The following TEKT5 variants were observed in gnomAD, a reference collection of about 807,000 sequenced individuals.
TEKT5 encodes the protein tektin-5.
TEKT5 carries 52 observed loss-of-function variants against 48.7 expected under a neutral mutation model. That is an observed-to-expected ratio of 1.07 (90% CI 0.86 to 1.35). The LOEUF is 1.35. Ranked by LOEUF, TEKT5 falls within the 40% of genes most tolerant of loss-of-function variation. TEKT5 has a pLI of 0.00. For synonymous variants in TEKT5, 318 were observed against 267.6 expected, an observed-to-expected ratio of 1.19 and a Z score of -1.84; for missense variants, 831 against 641.6, an observed-to-expected ratio of 1.30 and a Z score of -3.19.
At chr16:10,659,961 C>A (rs1244867863) in intron 5 of TEKT5, among the ~76,000 whole-genome samples, 1 of 152,090 alleles carries the variant, frequency 6.6e-6, no homozygotes, top group African/African-American at 2.4e-5. Context: ...GCGAATTTCA[C>A]CTTAATAAAG....
At chr16:10,650,475 C>A (rs1160653471) in intron 5 of TEKT5, among the ~76,000 whole-genome samples, 1 of 152,138 alleles carries the variant, frequency 6.6e-6, no homozygotes. Context: ...CGATGACTCA[C>A]ACCCAAGGCA....
At chr16:10,679,253 G>T (rs972911812) in intron 4 of TEKT5, among the ~76,000 whole-genome samples, 1 of 151,978 alleles carries the variant, frequency 6.6e-6, no homozygotes, top group Admixed American at 6.6e-5. Context: ...CCAGGTAAAA[G>T]GTGTCTCTCC....
chr16:10,643,503 T>C (rs1483810538), intron 5 of TEKT5, among the ~76,000 whole-genome samples: 1 of 152,246 alleles, frequency 6.6e-6, no homozygotes, highest in Admixed American at 6.5e-5. Flanking sequence ...ATTCATGCTA[T>C]AGCCTGTGCT....
chr16:10,632,452 T>A (rs1040093770), intron 6 of TEKT5, among the ~76,000 whole-genome samples: 21 of 152,044 alleles, frequency 1.4e-4, no homozygotes, highest in African/African-American at 5.1e-4. Context: ...CATGCCACCA[T>A]GCCTGGCTAA....
intron 5 of TEKT5, among the ~76,000 whole-genome samples, chr16:10,656,693 G>C (rs1898268008): frequency 2.0e-5 from 3 of 152,176 alleles, no homozygotes; most frequent in East Asian, 1.9e-4. Context: ...AAACATTTAG[G>C]TTATACTGAT....
At chr16:10,690,651 T>G (rs1373699490) in intron 1 of TEKT5, 33 of 985,284 alleles carry the variant, frequency 3.3e-5, no homozygotes, top group Non-Finnish European at 3.9e-5. Flanking sequence ...AGGGACAGTT[T>G]GGGGAAGTGG....
At chr16:10,644,215 C>T (rs1898036766) in intron 5 of TEKT5, among the ~76,000 whole-genome samples, 1 of 152,170 alleles carries the variant, frequency 6.6e-6, no homozygotes, top group East Asian at 1.9e-4. Context: ...TCTTTTACGT[C>T]ATTTGATACC....
chr16:10,683,906 A>C (rs1413737623), intron 3 of TEKT5, among the ~76,000 whole-genome samples: 2 of 152,240 alleles, frequency 1.3e-5, no homozygotes, highest in Non-Finnish European at 2.9e-5. Flanking sequence ...AATCACTTTA[A>C]AAATGTAAAT....
intron 5 of TEKT5, among the ~76,000 whole-genome samples, chr16:10,639,641 A>C (rs1294496560): frequency 2.0e-5 from 3 of 152,186 alleles, no homozygotes; most frequent in African/African-American, 7.2e-5. Flanking sequence ...CTCACAGTCT[A>C]TTTTTCAAAT....
chr16:10,639,637 G>C (rs75163251), intron 5 of TEKT5, among the ~76,000 whole-genome samples: 3,429 of 152,296 alleles, frequency 0.023, 131 homozygotes, highest in African/African-American at 0.079. Context: ...AGTGCTCACA[G>C]TCTATTTTTC....
chr16:10,669,695 A>C (rs1898522113), intron 5 of TEKT5, among the ~76,000 whole-genome samples: 1 of 150,224 alleles, frequency 6.7e-6, no homozygotes. Context: ...CACACATCCT[A>C]CCCCCAAAAA....
chr16:10,636,814 T>G (rs1251140293), intron 5 of TEKT5, among the ~76,000 whole-genome samples: 2 of 150,586 alleles, frequency 1.3e-5, no homozygotes, highest in Non-Finnish European at 3.0e-5. Flanking sequence ...TATTTTCCAT[T>G]ATTATTATTA....
intron 5 of TEKT5, among the ~76,000 whole-genome samples, chr16:10,648,038 G>A (rs1356156807): frequency 2.0e-5 from 3 of 152,178 alleles, no homozygotes; most frequent in Non-Finnish European, 4.4e-5. Flanking sequence ...CAGCATCACA[G>A]AACTCAAGTC....
At chr16:10,646,769 A>G (rs1898077019) in intron 5 of TEKT5, among the ~76,000 whole-genome samples, 2 of 152,194 alleles carry the variant, frequency 1.3e-5, no homozygotes, top group African/African-American at 4.8e-5. Context: ...CCTCCTCCAG[A>G]GCCCACCTAG....
At position 10,635,798 on chromosome 16, in the gene TEKT5, T is replaced by G; in HGVS notation, c.1207A>C (p.Asn403His). 1 of 1,614,186 alleles carries G rather than the reference T, an allele frequency of 6.2e-7. No homozygotes were observed. The highest frequency in any genetic ancestry group is 8.5e-7 in the Non-Finnish European group (1 of 1,180,026). ...GGGATGTCCCTGCACAGCTCCATGTTGGGGCGCCGGGTCCGGCACTCCAGC... is the reference window on the plus strand; with the variant it reads ...GGGATGTCCCTGCACAGCTCCATGTGGGGGCGCCGGGTCCGGCACTCCAGC... ...TRLECRTRRPNMELCRDIPQL... is the reference protein window; with the variant it reads ...TRLECRTRRPHMELCRDIPQL... Residue 403 changes from asparagine (N) to histidine (H), a missense_variant, in exon 6 of 7, where the codon AAC becomes CAC. Transcript: ENST00000283025.
At chr16:10,689,425 C>A in intron 2 of TEKT5, 102 bp from the exon 3 acceptor site, 1 of 1,009,290 alleles carries the variant, frequency 9.9e-7, no homozygotes. Flanking sequence ...CACTGACCAC[C>A]CTCGACCCCA....
At chr16:10,689,921 C>A (rs751389604) in intron 2 of TEKT5, 21 bp downstream of exon 2, 2 of 1,613,464 alleles carry the variant, frequency 1.2e-6, no homozygotes, top group African/African-American at 2.7e-5. Flanking sequence ...GGGGGCTGGG[C>A]AGAACCAGGA....
chr16:10,627,551 C>T lies in TEKT5; in HGVS notation c.*32G>A, dbSNP rs377724001. 116 of 1,607,366 alleles carry T rather than the reference C, an allele frequency of 7.2e-5. No homozygotes were observed. The highest frequency in any genetic ancestry group is 1.7e-4 in the Middle Eastern group (1 of 5,996). ...TGTTTCTCAGCCTTTTCCAATTTTA[C>T]GCCAGCGCGGAATGAGGCGCCAGGG... On this transcript the variant is annotated 3_prime_UTR_variant, in exon 7 of 7. Transcript: ENST00000283025.
At chr16:10,634,511 G>A (rs140913127) in intron 6 of TEKT5, among the ~76,000 whole-genome samples, 55 of 152,234 alleles carry the variant, frequency 3.6e-4, no homozygotes, top group African/African-American at 1.2e-3. Flanking sequence ...CCCCTCCACC[G>A]GAAACCCTGT....
Sources: gnomAD v4.1 joint callset for allele counts (sites outside exome capture counted in the v4.1 genomes callset) on GRCh38, gnomAD v4.1.1 for gene constraint, MANE v1.5 for transcripts, NCBI Gene and HGNC (gene_info 2026-07-23, HGNC 2026-07-21) for gene names.